SORCS2: variants seen among roughly 807,000 people sequenced by gnomAD.
SORCS2 encodes VPS10 domain-containing receptor SorCS2.
Under a neutral mutation model 141.6 loss-of-function variants are expected in SORCS2, and 100 were observed. That is an observed-to-expected ratio of 0.71 (90% confidence interval 0.60 to 0.83). The LOEUF (loss-of-function observed/expected upper bound fraction) is 0.83, where lower values mean the gene tolerates loss of function less well. Ranked by LOEUF, SORCS2 falls within the 40% of genes least tolerant of loss-of-function variation. The probability of loss-of-function intolerance (pLI) is 0.00; values close to 1 mark genes in which losing one functional copy is unlikely to be tolerated. For synonymous variants in SORCS2, 789 were observed against 676.9 expected, an observed-to-expected ratio of 1.17 and a Z score of -2.57; for missense variants, 1,646 against 1,560.2, an observed-to-expected ratio of 1.05 and a Z score of -0.93.
At chr4:7,461,233 G>A (rs1044205862) in intron 2 of SORCS2, among the ~76,000 whole-genome samples, 7 of 152,170 alleles carry the variant, frequency 4.6e-5, no homozygotes, top group South Asian at 2.1e-4. Flanking sequence ...TCCCTCTGCC[G>A]TCACAGGACT....
intron 3 of SORCS2, among the ~76,000 whole-genome samples, chr4:7,620,748 C>T (rs1352231681): frequency 1.3e-5 from 2 of 152,188 alleles, no homozygotes; most frequent in African/African-American, 4.8e-5. Flanking sequence ...CTTCTTCTTG[C>T]AGACTAGAAA....
intron 1 of SORCS2, among the ~76,000 whole-genome samples, chr4:7,215,780 G>T (rs1728308799): frequency 6.6e-6 from 1 of 152,312 alleles, no homozygotes; most frequent in Non-Finnish European, 1.5e-5. Context: ...TGGAGAACCT[G>T]TGTGTCGAAA....
At chr4:7,387,949 C>G (rs1257622193) in intron 1 of SORCS2, among the ~76,000 whole-genome samples, 6 of 139,200 alleles carry the variant, frequency 4.3e-5, no homozygotes, top group Middle Eastern at 3.5e-3. Context: ...TACACATACA[C>G]ACATGCACAC....
chr4:7,301,249 A>C (rs1468588716), intron 1 of SORCS2, among the ~76,000 whole-genome samples: 2 of 152,130 alleles, frequency 1.3e-5, no homozygotes, highest in East Asian at 3.9e-4. Context: ...CCTATGTGCC[A>C]GTCACTGTGC....
intron 10 of SORCS2, among the ~76,000 whole-genome samples, chr4:7,685,851 T>A (rs1054299813): frequency 6.6e-6 from 1 of 152,116 alleles, no homozygotes; most frequent in African/African-American, 2.4e-5. Flanking sequence ...TCTCAATGAA[T>A]GGGCAAACTG....
intron 3 of SORCS2, among the ~76,000 whole-genome samples, chr4:7,630,931 G>GCATCCT (rs1719849328): frequency 6.6e-6 from 1 of 152,026 alleles, no homozygotes; most frequent in Non-Finnish European, 1.5e-5. Context: ...CAGAATAAAA[G>GCATCCT]CATCCTCCCC....
At chr4:7,499,294 C>G (rs1050473476) in intron 2 of SORCS2, among the ~76,000 whole-genome samples, 1 of 152,168 alleles carries the variant, frequency 6.6e-6, no homozygotes, top group African/African-American at 2.4e-5. Context: ...AAGCCGGACT[C>G]TGGAGGACAT....
At position 7,638,312 on chromosome 4, in the gene SORCS2, C is replaced by T; in HGVS notation, c.649-16C>T. 6.7e-7 allele frequency: 1 copy of T among 1,497,376 alleles called. No homozygotes were observed. Among genetic ancestry groups the T allele is most frequent in the Non-Finnish European group, 8.9e-7 (1 of 1,127,836 alleles). The allele number at this position is 1,497,376 out of a possible 1,614,324, so 92.8% of individuals were successfully genotyped here. On this transcript the variant is annotated splice_polypyrimidine_tract_variant and intron_variant, in intron 3 of 26. Coordinates refer to ENST00000507866, the MANE Select transcript of SORCS2 (RefSeq NM_020777.3). ...GGGCACCTGGCCCAGGCCTCACAAC[C>T]CGCTTTGTGTTTCAGGTCATCCTTG...
rs1327366781 is a variant in SORCS2, at chr4:7,715,372, C to A, written c.2252+61C>A. On this transcript the variant is annotated intron_variant, in intron 17 of 26. Coordinates refer to ENST00000507866, the MANE Select transcript of SORCS2 (RefSeq NM_020777.3). The stretch of plus-strand genomic sequence containing the variant: ...CGGGGGCAGAGCTGTGGTGCAGCCC[C>A]GAAACCACGCCTTCCTGGCTGGTGC... 4 of 1,588,816 alleles carry A rather than the reference C, an allele frequency of 2.5e-6. No individual in the cohort carries two copies. The East Asian group carries it at 9.0e-5, about 36-fold the overall frequency.
intron 26 of SORCS2, among the ~76,000 whole-genome samples, chr4:7,739,753 C>A (rs998907647): frequency 2.0e-5 from 3 of 152,174 alleles, no homozygotes; most frequent in African/African-American, 7.2e-5. Context: ...CAGCCCCCAC[C>A]CGGGACACCC....
At chr4:7,274,294 C>T (rs909022672) in intron 1 of SORCS2, among the ~76,000 whole-genome samples, 1 of 152,208 alleles carries the variant, frequency 6.6e-6, no homozygotes, top group African/African-American at 2.4e-5. Context: ...GGCTCCGCCT[C>T]ATTTATCCAT....
rs544508254 is a variant in SORCS2 at position 7,192,754 on chromosome 4, C to CCTG, written c.127_129dup (p.Leu43dup). Reference sequence around the variant, plus strand: ...CGCGCTCGCCGCGCTCGCGGCCGCTCCTGCTGCTGCTGCTGCTGCTGGGCG... The same window carrying CCTG: ...CGCGCTCGCCGCGCTCGCGGCCGCTCCTGCTGCTGCTGCTGCTGCTGCTGGGCG... On this transcript the variant is annotated inframe_insertion, in exon 1 of 27. Transcript: ENST00000507866. The surrounding 1 kb of genome is among the most constrained non-coding windows in gnomAD (Gnocchi z 4.0). The CCTG allele has an allele frequency of 3.6e-3, 3,563 of 998,882 alleles. 48 individuals are homozygous for CCTG. In the African/African-American group the frequency reaches 0.05, roughly 14 times the overall value. The allele number at this position is 998,882 out of a possible 1,614,324, so 61.9% of individuals were successfully genotyped here.
chr4:7,416,202 T>C (rs1050829138), intron 2 of SORCS2, among the ~76,000 whole-genome samples: 1 of 152,066 alleles, frequency 6.6e-6, no homozygotes, highest in Non-Finnish European at 1.5e-5. Context: ...AAGTTAGGCT[T>C]GTGGACTCGA....
Position 7,682,796 on chromosome 4 carries a change from G to A in SORCS2, c.1395G>A (p.Val465=). The A allele has an allele frequency of 3.1e-6, 5 of 1,612,750 alleles. No homozygotes were observed. Among genetic ancestry groups the A allele is most frequent in the Non-Finnish European group, 3.4e-6 (4 of 1,179,344 alleles). The change falls in exon 10 of 27, where the codon GTG becomes GTA. Residue 465 remains valine, a synonymous_variant. Coordinates refer to ENST00000507866, the MANE Select transcript of SORCS2 (RefSeq NM_020777.3). ...CAAACCAAAAAATTGATGGGAAAGT[G>A]ATGACGCTTATAACCTACAACAAGG... ...FLANQKIDGK[V]MTLITYNKGR...
chr4:7,697,339 T>G, intron 12 of SORCS2, 65 bp downstream of exon 12: 1 of 1,346,150 alleles, frequency 7.4e-7, no homozygotes. Flanking sequence ...AGGAGACACT[T>G]CTGTTCTGTC....
At chr4:7,330,364 T>G (rs1276310288) in intron 1 of SORCS2, among the ~76,000 whole-genome samples, 2 of 152,012 alleles carry the variant, frequency 1.3e-5, no homozygotes, top group Non-Finnish European at 2.9e-5. Flanking sequence ...AAAGAGCTTC[T>G]CGGCAAATTT....
At chr4:7,431,714 C>T in intron 2 of SORCS2, 1 of 152,348 alleles carries the variant, frequency 6.6e-6, no homozygotes, top group Non-Finnish European at 1.5e-5. Flanking sequence ...TGTGGGACTG[C>T]CCAGCGGGCC....
intron 2 of SORCS2, among the ~76,000 whole-genome samples, chr4:7,473,352 C>G (rs1730095535): frequency 6.6e-6 from 1 of 152,138 alleles, no homozygotes; most frequent in Admixed American, 6.5e-5. Flanking sequence ...CAATTGGGTG[C>G]CTACAGGGAC....
At chr4:7,608,025 A>G (rs11937918) in intron 3 of SORCS2, among the ~76,000 whole-genome samples, 15 of 151,910 alleles carry the variant, frequency 9.9e-5, no homozygotes, top group Non-Finnish European at 4.4e-5. Flanking sequence ...AGGACATGCC[A>G]TGCCCTGCCA....
Sources: allele counts gnomAD v4.1 joint callset (sites outside exome capture counted in the v4.1 genomes callset), GRCh38; gene constraint gnomAD v4.1.1; non-coding constraint Gnocchi (gnomAD v3.1); transcripts MANE v1.5; gene names NCBI Gene and HGNC (gene_info 2026-07-23, HGNC 2026-07-21).